KAZN: variants seen among roughly 807,000 people sequenced by gnomAD.
The protein encoded by KAZN is kazrin, periplakin interacting protein.
In KAZN, 40 loss-of-function variants were observed where a neutral mutation model predicts 87.4. That is an observed-to-expected ratio of 0.46 (90% CI 0.36 to 0.60). The LOEUF (loss-of-function observed/expected upper bound fraction) is 0.60, where lower values mean the gene tolerates loss of function less well. KAZN is among the 20% of genes least tolerant of loss of function. The pLI is 0.00. For missense variants in KAZN, 898 were observed against 1,073.9 expected (o/e 0.84, Z 2.29); for synonymous variants, 466 against 458.3 (o/e 1.02, Z -0.22).
intron 2 of KAZN, among the ~76,000 whole-genome samples, chr1:14,311,794 A>G (rs1255320006): frequency 6.6e-6 from 1 of 152,136 alleles, no homozygotes; most frequent in Non-Finnish European, 1.5e-5. Flanking sequence ...AGATACAGGG[A>G]ATAATATCCT....
chr1:14,264,598 C>A lies in KAZN; in HGVS notation c.249+84006C>A, dbSNP rs548762781. Among the ~76,000 whole-genome samples the A allele has an allele frequency of 5.5e-4, 83 of 152,266 alleles. 3 individuals carry two copies. The South Asian group carries it at 0.017, about 31-fold the overall frequency. ...CCTCTCTTGCCCTTCTACCATCTGC[C>A]ATAGTATGATACAGCAAGAAGGTCC... On this transcript the variant is annotated intron_variant, in intron 2 of 16. Transcript: ENST00000636203.
chr1:13,923,689 G>A (rs1570289802), intron 1 of KAZN, among the ~76,000 whole-genome samples: 1 of 152,040 alleles, frequency 6.6e-6, no homozygotes, highest in East Asian at 1.9e-4. Context: ...AGGATGAGGA[G>A]GGGTTGGTCT....
At chr1:14,343,002 G>C (rs771267923) in intron 2 of KAZN, among the ~76,000 whole-genome samples, 1 of 152,092 alleles carries the variant, frequency 6.6e-6, no homozygotes, top group Non-Finnish European at 1.5e-5. Context: ...TTAGCCTGGC[G>C]TGGTGGCAGG....
At position 15,066,227 on chromosome 1, in the gene KAZN, G is replaced by A. The variant is rs1457312880; in HGVS notation, c.1222+474G>A. 1.0e-6 allele frequency: 1 copy of A among 988,242 alleles called. No homozygotes were observed. Among genetic ancestry groups the A allele is most frequent in the Non-Finnish European group, 1.2e-6 (1 of 832,400 alleles). The allele number at this position is 988,242 out of a possible 1,614,324, so 61.2% of individuals were successfully genotyped here. The stretch of plus-strand genomic sequence containing the variant: ...AAACTTGAAGGACTGCTGTGTATTT[G>A]TAAATAACAAAACTATTGTGCACTC... On this transcript the variant is annotated intron_variant, in intron 8 of 14. Coordinates refer to ENST00000376030, the MANE Select transcript of KAZN (RefSeq NM_201628.3). The surrounding 1 kb of genome is among the most constrained non-coding windows in gnomAD (Gnocchi z 4.3).
At chr1:14,959,145 C>A (rs1289294740) in intron 1 of KAZN, among the ~76,000 whole-genome samples, 3 of 152,196 alleles carry the variant, frequency 2.0e-5, no homozygotes, top group Non-Finnish European at 2.9e-5. Context: ...GAGCTTCCGC[C>A]ATAGCAGTGA....
chr1:13,939,957 C>G (rs1040755469), intron 1 of KAZN, among the ~76,000 whole-genome samples: 1 of 152,112 alleles, frequency 6.6e-6, no homozygotes, highest in African/African-American at 2.4e-5. Context: ...TGGTGCTATA[C>G]CAATCATGAG....
intron 1 of KAZN, among the ~76,000 whole-genome samples, chr1:13,946,660 G>T (rs1437799890): frequency 6.6e-6 from 1 of 152,078 alleles, no homozygotes; most frequent in African/African-American, 2.4e-5. Flanking sequence ...TTCCAAAAGG[G>T]TCATGATCAC....
At chr1:14,375,669 G>A (rs1571438757) in intron 2 of KAZN, among the ~76,000 whole-genome samples, 2 of 152,062 alleles carry the variant, frequency 1.3e-5, no homozygotes, top group Non-Finnish European at 2.9e-5. Context: ...GGCGGATCAC[G>A]AGGTCAGGAG....
At chr1:13,902,145 A>G (rs901605797) in intron 1 of KAZN, among the ~76,000 whole-genome samples, 2 of 152,360 alleles carry the variant, frequency 1.3e-5, no homozygotes, top group East Asian at 3.9e-4. Flanking sequence ...ATGTCTCTGG[A>G]TTTGGTGAGA....
chr1:14,677,285 G>C (rs71629894), intron 1 of KAZN, among the ~76,000 whole-genome samples: 2 of 152,154 alleles, frequency 1.3e-5, no homozygotes, highest in Non-Finnish European at 2.9e-5. Context: ...GGGCTTCTGA[G>C]GGATAATGAT....
intron 1 of KAZN, among the ~76,000 whole-genome samples, chr1:14,638,579 C>A (rs112453617): frequency 2.2e-3 from 279 of 128,310 alleles, no homozygotes; most frequent in Non-Finnish European, 2.2e-3. Flanking sequence ...AAAAAAAAAA[C>A]AAAAAAAAAA....
intron 2 of KAZN, among the ~76,000 whole-genome samples, chr1:14,351,536 C>A (rs149610413): frequency 1.3e-5 from 2 of 152,052 alleles, no homozygotes; most frequent in Admixed American, 1.3e-4. Flanking sequence ...TCCAGCCTGG[C>A]GACAGAGCTA....
At chr1:14,880,653 A>T (rs1239572013) in intron 1 of KAZN, among the ~76,000 whole-genome samples, 1 of 152,170 alleles carries the variant, frequency 6.6e-6, no homozygotes, top group African/African-American at 2.4e-5. Context: ...TCACTCGTCT[A>T]AATAAGTGGG....
intron 13 of KAZN, among the ~76,000 whole-genome samples, chr1:15,106,639 A>G (rs751839511): frequency 2.0e-5 from 3 of 152,120 alleles, no homozygotes; most frequent in Non-Finnish European, 4.4e-5. Context: ...TCTCAATGAT[A>G]AGATAAGAGG....
At chr1:15,048,666 CGCTG>C (rs1557754403) in intron 4 of KAZN, among the ~76,000 whole-genome samples, 174 of 142,916 alleles carry the variant, frequency 1.2e-3, no homozygotes, top group African/African-American at 4.4e-3. Context: ...GGTCCTGGGT[CGCTG>C]GTCCTGGGTC....
intron 2 of KAZN, among the ~76,000 whole-genome samples, chr1:15,001,209 C>A (rs1343296238): frequency 6.6e-6 from 1 of 152,030 alleles, no homozygotes; most frequent in Non-Finnish European, 1.5e-5. Context: ...CGCCTGTAAT[C>A]CCAGCACTTT....
At chr1:14,712,658 C>T (rs1642547045) in intron 1 of KAZN, among the ~76,000 whole-genome samples, 1 of 152,166 alleles carries the variant, frequency 6.6e-6, no homozygotes, top group Admixed American at 6.5e-5. Context: ...GCCCCAGTCC[C>T]TGACAGTTGC....
intron 1 of KAZN, among the ~76,000 whole-genome samples, chr1:13,967,940 T>C (rs1001572451): frequency 6.6e-6 from 1 of 152,162 alleles, no homozygotes; most frequent in Admixed American, 6.5e-5. Context: ...AGCTCCTGCC[T>C]CTTTGCAGCT....
intron 10 of KAZN, among the ~76,000 whole-genome samples, chr1:15,100,669 A>G (rs1317805423): frequency 1.3e-5 from 2 of 152,230 alleles, no homozygotes; most frequent in African/African-American, 2.4e-5. Flanking sequence ...GTGGGGCACA[A>G]GGAAATCTGA....
Sources: gnomAD v4.1 joint callset for allele counts (sites outside exome capture counted in the v4.1 genomes callset) on GRCh38, gnomAD v4.1.1 for gene constraint, Gnocchi (gnomAD v3.1) non-coding constraint, MANE v1.5 for transcripts, NCBI Gene and HGNC (gene_info 2026-07-23, HGNC 2026-07-21) for gene names.